Variants in CNTN4 observed in about 807,000 individuals in gnomAD.
CNTN4 encodes contactin 4.
A neutral mutation model predicts 122.5 loss-of-function variants in CNTN4; 77 were observed. That is an observed-to-expected ratio of 0.63 (90% confidence interval 0.52 to 0.76). The LOEUF (loss-of-function observed/expected upper bound fraction) is 0.76, where lower values mean the gene tolerates loss of function less well. CNTN4 is among the 30% of genes least tolerant of loss of function. The pLI, the probability that CNTN4 is intolerant of heterozygous loss-of-function variation, is 0.00. For synonymous variants in CNTN4, 512 were observed against 447.0 expected (o/e 1.15, Z -1.83); for missense variants, 1,256 against 1,259.1 (o/e 1.00, Z 0.04).
At chr3:2,506,467 A>C (rs1365654715) in intron 3 of CNTN4, among the ~76,000 whole-genome samples, 2 of 152,250 alleles carry the variant, frequency 1.3e-5, no homozygotes, top group African/African-American at 4.8e-5. Flanking sequence ...GAAGTCTATA[A>C]GGGAAGAAGA....
chr3:2,170,274 C>A (rs4470495), intron 2 of CNTN4, among the ~76,000 whole-genome samples: 1 of 151,286 alleles, frequency 6.6e-6, no homozygotes, highest in Non-Finnish European at 1.5e-5. Flanking sequence ...GAGCCGAGAT[C>A]GCGCCACCGC....
intron 3 of CNTN4, among the ~76,000 whole-genome samples, chr3:2,352,386 G>A (rs1468336185): frequency 6.6e-6 from 1 of 152,188 alleles, no homozygotes; most frequent in Non-Finnish European, 1.5e-5. Flanking sequence ...TTGTGGGGAG[G>A]TGTGGAGGGA....
In CNTN4 at chr3:2,964,432, T is replaced by C. The variant is rs376541078; in HGVS notation, c.1359-23913T>C. Among the ~76,000 whole-genome samples the C allele has an allele frequency of 5.3e-4, 81 of 152,328 alleles. No homozygotes were observed. In the East Asian group the frequency reaches 0.012, roughly 23 times the overall value. Reference sequence around the variant, plus strand: ...GTAACTCTGTCAACTCTTCCATTCATTGATCTCTAAAATTGGAAGACTTGA... The same window carrying C: ...GTAACTCTGTCAACTCTTCCATTCACTGATCTCTAAAATTGGAAGACTTGA... On this transcript the variant is annotated intron_variant, in intron 13 of 24. Transcript: ENST00000418658.
chr3:3,010,583 C>A (rs1697132262), intron 14 of CNTN4, among the ~76,000 whole-genome samples: 1 of 152,056 alleles, frequency 6.6e-6, no homozygotes, highest in South Asian at 2.1e-4. Flanking sequence ...CAGCACAATG[C>A]CTGACACATA....
chr3:2,374,526 A>G (rs2045748634), intron 3 of CNTN4, among the ~76,000 whole-genome samples: 1 of 152,142 alleles, frequency 6.6e-6, no homozygotes, highest in Non-Finnish European at 1.5e-5. Context: ...AGTCCTCTGC[A>G]TTTTCACATA....
At chr3:2,797,353 C>A (rs1030282227) in intron 6 of CNTN4, among the ~76,000 whole-genome samples, 3 of 152,192 alleles carry the variant, frequency 2.0e-5, no homozygotes, top group Non-Finnish European at 4.4e-5. Flanking sequence ...AATCCCAACA[C>A]TTTGGGAGGC....
Position 2,367,476 on chromosome 3 carries a change from A to G in CNTN4, c.-89+28243A>G, listed in dbSNP as rs142109698. 1.4e-4 allele frequency among the ~76,000 whole-genome samples: 22 copies of G among 152,338 alleles called. No individual in the cohort carries two copies. The East Asian group carries it at 3.3e-3, about 23-fold the overall frequency. On this transcript the variant is annotated intron_variant, in intron 3 of 24. Transcript: ENST00000418658. ...TACAGTGGATAAGTGAAGTTAGAAT[A>G]TCTTTCTACTGATGGAAAAATGTCA...
intron 13 of CNTN4, among the ~76,000 whole-genome samples, chr3:2,981,396 A>G (rs1368711400): frequency 5.3e-5 from 8 of 152,008 alleles, no homozygotes; most frequent in Non-Finnish European, 7.3e-5. Flanking sequence ...GTGAGCCGAG[A>G]TCGCAGCACT....
intron 2 of CNTN4, among the ~76,000 whole-genome samples, chr3:2,111,266 T>C (rs1348867395): frequency 1.3e-5 from 2 of 152,212 alleles, no homozygotes; most frequent in African/African-American, 2.4e-5. Flanking sequence ...TCAATTCTTA[T>C]AATAATTGAA....
At chr3:2,259,183 G>T (rs917548728) in intron 2 of CNTN4, among the ~76,000 whole-genome samples, 1 of 151,452 alleles carries the variant, frequency 6.6e-6, no homozygotes, top group Non-Finnish European at 1.5e-5. Context: ...ACTTGCTTTT[G>T]CTCATAAGCC....
chr3:2,759,289 G>A (rs901383736), intron 6 of CNTN4, among the ~76,000 whole-genome samples: 13 of 152,046 alleles, frequency 8.6e-5, no homozygotes, highest in Non-Finnish European at 1.6e-4. Flanking sequence ...CTGAGTAGCT[G>A]GGATTACAGG....
At chr3:2,342,853 G>A (rs770139244) in intron 3 of CNTN4, among the ~76,000 whole-genome samples, 1 of 152,164 alleles carries the variant, frequency 6.6e-6, no homozygotes, top group Non-Finnish European at 1.5e-5. Context: ...TAATATACAT[G>A]TATAAGAAAT....
At chr3:2,732,374 T>G (rs2088757964) in intron 4 of CNTN4, among the ~76,000 whole-genome samples, 1 of 152,162 alleles carries the variant, frequency 6.6e-6, no homozygotes, top group Non-Finnish European at 1.5e-5. Flanking sequence ...ATGCAGGTGG[T>G]CTACAGTCTA....
At chr3:2,766,291 C>G (rs544439430) in intron 6 of CNTN4, among the ~76,000 whole-genome samples, 12 of 152,158 alleles carry the variant, frequency 7.9e-5, no homozygotes, top group Non-Finnish European at 1.8e-4. Flanking sequence ...GAAACTCCAC[C>G]AGTGCTTCAC....
At chr3:2,362,458 C>G in intron 3 of CNTN4, 1 of 436,348 alleles carries the variant, frequency 2.3e-6, no homozygotes, top group South Asian at 1.8e-5. Flanking sequence ...AGCCTACATC[C>G]TATATGAGGA....
intron 3 of CNTN4, among the ~76,000 whole-genome samples, chr3:2,349,975 GGACAGGGAACA>G (rs1207042903): frequency 6.6e-6 from 1 of 152,114 alleles, no homozygotes; most frequent in Non-Finnish European, 1.5e-5. Context: ...AGCCTGTGAG[GGACAGGGAACA>G]GACTTAGAGC....
chr3:2,683,327 T>TACACACACAC (rs10601751), intron 4 of CNTN4, among the ~76,000 whole-genome samples: 1 of 149,272 alleles, frequency 6.7e-6, no homozygotes, highest in Non-Finnish European at 1.5e-5. Flanking sequence ...TGCACACATG[T>TACACACACAC]ACACACACAC....
intron 13 of CNTN4, among the ~76,000 whole-genome samples, chr3:2,951,421 G>C (rs757562750): frequency 3.9e-5 from 6 of 152,210 alleles, no homozygotes; most frequent in Non-Finnish European, 7.3e-5. Flanking sequence ...TCTGACAGAA[G>C]GCGGAGCACA....
chr3:2,466,023 T>G (rs191645314), intron 3 of CNTN4, among the ~76,000 whole-genome samples: 7 of 152,322 alleles, frequency 4.6e-5, no homozygotes, highest in Non-Finnish European at 8.8e-5. Flanking sequence ...TAACTGGCTG[T>G]CTGTCAAAGA....
Sources: gnomAD v4.1 joint callset for allele counts (sites outside exome capture counted in the v4.1 genomes callset) on GRCh38, gnomAD v4.1.1 for gene constraint, MANE v1.5 for transcripts, NCBI Gene and HGNC (gene_info 2026-07-23, HGNC 2026-07-21) for gene names.